The following LRP1B variants were observed in gnomAD, a reference collection of about 807,000 sequenced individuals.
LRP1B encodes low-density lipoprotein receptor-related protein 1B.
A neutral mutation model predicts 556.6 loss-of-function variants in LRP1B; 217 were observed. The observed-to-expected ratio is 0.39, with a 90% CI of 0.35 to 0.44. LRP1B has a LOEUF of 0.44. Ranked by LOEUF, LRP1B falls within the 20% of genes least tolerant of loss-of-function variation. The probability of loss-of-function intolerance (pLI) is 1.00; values close to 1 mark genes in which losing one functional copy is unlikely to be tolerated. For synonymous variants in LRP1B, 2,047 were observed against 1,865.8 expected (o/e 1.10, Z -2.50); for missense variants, 5,053 against 5,620.8 (o/e 0.90, Z 3.23).
At chr2:140,236,000 T>C (rs1680682686) in intron 89 of LRP1B, among the ~76,000 whole-genome samples, 2 of 151,088 alleles carry the variant, frequency 1.3e-5, no homozygotes, top group South Asian at 4.1e-4. Flanking sequence ...TCTCCACTTC[T>C]GTGATATTTT....
intron 53 of LRP1B, among the ~76,000 whole-genome samples, chr2:140,506,426 T>C (rs1258423064): frequency 6.6e-6 from 1 of 151,928 alleles, no homozygotes; most frequent in East Asian, 1.9e-4. Context: ...GTATTTTTAG[T>C]AGAGATGGGG....
chr2:140,909,758 C>T (rs879635371), intron 21 of LRP1B, among the ~76,000 whole-genome samples: 1 of 150,600 alleles, frequency 6.6e-6, no homozygotes, highest in African/African-American at 2.4e-5. Flanking sequence ...ATTACATAAA[C>T]TAAGAATTCA....
intron 31 of LRP1B, among the ~76,000 whole-genome samples, chr2:140,832,583 T>C (rs749686384): frequency 5.3e-5 from 8 of 152,184 alleles, no homozygotes; most frequent in Non-Finnish European, 1.2e-4. Context: ...TGAAATTCTG[T>C]CATTGGCAAC....
intron 11 of LRP1B, among the ~76,000 whole-genome samples, chr2:141,046,220 C>T (rs936240651): frequency 6.6e-6 from 1 of 152,130 alleles, no homozygotes; most frequent in Non-Finnish European, 1.5e-5. Flanking sequence ...CCTTGTACTT[C>T]AAACTACGTA....
rs757591679 is a variant in LRP1B, at chr2:140,907,953, T to C, written c.3444A>G (p.Ser1148=). ...AGAGTTTCTCTGGCTGCAGGCAGAC[T>C]GAGGTGTCATTAGCACAAGGATGCT... ...PPKHPCANDT[S]VCLQPEKLCN... Residue 1148 remains serine (S), a synonymous_variant, in exon 22 of 91, where the codon TCA becomes TCG. Coordinates refer to ENST00000389484, the MANE Select transcript of LRP1B (RefSeq NM_018557.3). The C allele has an allele frequency of 4.3e-6, 7 of 1,613,510 alleles. No homozygotes were observed. The African/African-American group carries it at 9.3e-5, about 22-fold the overall frequency.
intron 43 of LRP1B, among the ~76,000 whole-genome samples, chr2:140,548,898 C>T (rs1680444050): frequency 6.6e-6 from 1 of 152,046 alleles, no homozygotes; most frequent in South Asian, 2.1e-4. Context: ...GCACTCCAGC[C>T]TGGGTGACAG....
At chr2:140,577,092 G>T (rs1031553655) in intron 43 of LRP1B, among the ~76,000 whole-genome samples, 1 of 152,006 alleles carries the variant, frequency 6.6e-6, no homozygotes, top group African/African-American at 2.4e-5. Context: ...ATGTTCCATC[G>T]CACTCACTCT....
intron 83 of LRP1B, among the ~76,000 whole-genome samples, chr2:140,310,952 G>T (rs1428217719): frequency 1.3e-5 from 2 of 151,718 alleles, no homozygotes; most frequent in Non-Finnish European, 2.9e-5. Flanking sequence ...AATCACAAGA[G>T]AAATATAAAT....
At chr2:140,280,686 G>A (rs1682878637) in intron 84 of LRP1B, among the ~76,000 whole-genome samples, 1 of 151,704 alleles carries the variant, frequency 6.6e-6, no homozygotes, top group Non-Finnish European at 1.5e-5. Context: ...GGTTACTGTG[G>A]CAAAAGCCTA....
chr2:141,477,080 G>A (rs1197121757), intron 3 of LRP1B, among the ~76,000 whole-genome samples: 1 of 151,772 alleles, frequency 6.6e-6, no homozygotes, highest in African/African-American at 2.4e-5. Flanking sequence ...CCGAGATAGC[G>A]CCATTGCACT....
intron 11 of LRP1B, among the ~76,000 whole-genome samples, chr2:141,045,187 G>A (rs75323124): frequency 0.061 from 6,649 of 109,486 alleles, 269 homozygotes; most frequent in East Asian, 0.1. Context: ...ACCAAACACC[G>A]CATATTCTCA....
chr2:140,301,328 T>G (rs1683810958), intron 83 of LRP1B, among the ~76,000 whole-genome samples: 1 of 152,162 alleles, frequency 6.6e-6, no homozygotes, highest in East Asian at 1.9e-4. Context: ...TCATACTCTC[T>G]TTCTTCCCCC....
intron 2 of LRP1B, among the ~76,000 whole-genome samples, chr2:141,614,098 A>AAAAAG (rs1553543037): frequency 2.0e-5 from 3 of 150,860 alleles, no homozygotes; most frequent in East Asian, 1.9e-4. Context: ...AAAAAAAAAA[A>AAAAAG]AAAGAAAGAA....
intron 35 of LRP1B, among the ~76,000 whole-genome samples, chr2:140,748,477 A>G (rs1688425480): frequency 8.1e-6 from 1 of 123,478 alleles, no homozygotes; most frequent in Non-Finnish European, 1.6e-5. Flanking sequence ...GGACTTAAAA[A>G]ATTCCTAGCA....
intron 21 of LRP1B, among the ~76,000 whole-genome samples, chr2:140,920,320 T>C (rs1354674802): frequency 6.6e-6 from 1 of 152,034 alleles, no homozygotes; most frequent in Non-Finnish European, 1.5e-5. Context: ...CATTCTCATA[T>C]AATAGGAATT....
chr2:141,652,079 C>T (rs1473530783), intron 2 of LRP1B, among the ~76,000 whole-genome samples: 1 of 152,130 alleles, frequency 6.6e-6, no homozygotes, highest in African/African-American at 2.4e-5. Context: ...CACACAACTT[C>T]CCTCAATTTT....
At chr2:141,836,924 A>T (rs1225610156) in intron 1 of LRP1B, among the ~76,000 whole-genome samples, 2 of 152,020 alleles carry the variant, frequency 1.3e-5, no homozygotes, top group Non-Finnish European at 2.9e-5. Context: ...ACATTTAAGG[A>T]TATAATTTGT....
intron 31 of LRP1B, among the ~76,000 whole-genome samples, chr2:140,824,176 T>C (rs1691426567): frequency 1.3e-5 from 2 of 151,956 alleles, no homozygotes; most frequent in Non-Finnish European, 2.9e-5. Flanking sequence ...TAGTATTTTC[T>C]CTTAATTAGT....
intron 57 of LRP1B, among the ~76,000 whole-genome samples, chr2:140,489,977 T>A (rs554803260): frequency 6.6e-6 from 1 of 152,250 alleles, no homozygotes; most frequent in African/African-American, 2.4e-5. Context: ...GTCATTTTTC[T>A]ACAGCTTTAC....
Sources: allele counts gnomAD v4.1 joint callset (sites outside exome capture counted in the v4.1 genomes callset), GRCh38; gene constraint gnomAD v4.1.1; transcripts MANE v1.5; gene names NCBI Gene and HGNC (gene_info 2026-07-23, HGNC 2026-07-21).